GRIK4: variants seen among roughly 807,000 people sequenced by gnomAD.
GRIK4 encodes glutamate ionotropic receptor kainate type subunit 4.
GRIK4 carries 40 observed loss-of-function variants against 104.9 expected under a neutral mutation model. That is an observed-to-expected ratio of 0.38 (90% confidence interval 0.30 to 0.50). The LOEUF is 0.50. GRIK4 is among the 20% of genes least tolerant of loss of function. The pLI, the probability that GRIK4 is intolerant of heterozygous loss-of-function variation, is 0.93. For synonymous variants in GRIK4, 485 were observed against 524.9 expected (o/e 0.92, Z 1.04); for missense variants, 1,047 against 1,308.1 (o/e 0.80, Z 3.08).
intron 13 of GRIK4, among the ~76,000 whole-genome samples, chr11:120,925,679 A>G (rs932059576): frequency 6.6e-6 from 1 of 152,174 alleles, no homozygotes; most frequent in Non-Finnish European, 1.5e-5. Flanking sequence ...TGGGTTAGAA[A>G]TGAGCATATC....
intron 11 of GRIK4, among the ~76,000 whole-genome samples, chr11:120,891,034 A>G (rs1955273826): frequency 6.6e-6 from 1 of 152,262 alleles, no homozygotes. Context: ...AGGCTTTAAA[A>G]ATGAATCTCT....
At chr11:120,924,577 C>T (rs1217210119) in intron 13 of GRIK4, among the ~76,000 whole-genome samples, 1 of 152,102 alleles carries the variant, frequency 6.6e-6, no homozygotes, top group Non-Finnish European at 1.5e-5. Context: ...CCCTTGTCCC[C>T]ACCCACCTCT....
intron 13 of GRIK4, among the ~76,000 whole-genome samples, chr11:120,913,936 A>G (rs1943053015): frequency 6.6e-6 from 1 of 152,178 alleles, no homozygotes; most frequent in South Asian, 2.1e-4. Context: ...AACTACAAAT[A>G]GGTCACAGAA....
rs748849376 is a variant in GRIK4 at position 120,986,246 on chromosome 11, A to G, written c.2857A>G (p.Ser953Gly). Residue 953 changes from serine to glycine, a missense_variant, in exon 21 of 21, where the codon AGC (serine) becomes GGC (glycine). Around this residue, in one of 3 missense-constraint regions of GRIK4, gnomAD observed 160 missense variants for 140.9 expected, o/e 1.14. Coordinates refer to ENST00000527524, the MANE Select transcript of GRIK4 (RefSeq NM_014619.5). ...SLEWEKTTNSSEPE is the reference protein window; with the variant it reads ...SLEWEKTTNSGEPE Reference sequence around the variant, plus strand: ...GGAGTGGGAGAAAACCACCAACAGCAGCGAGCCCGAGTAGTCCCGGAGGCC... The same window carrying G: ...GGAGTGGGAGAAAACCACCAACAGCGGCGAGCCCGAGTAGTCCCGGAGGCC... 1 of 1,549,014 alleles carries G rather than the reference A, an allele frequency of 6.5e-7. No individual in the cohort carries two copies. The highest frequency in any genetic ancestry group is 8.6e-7 in the Non-Finnish European group (1 of 1,156,318).
Position 120,524,519 on chromosome 11 carries a change from C to CCGTT in GRIK4, c.-159+12632_-159+12633insCGTT, listed in dbSNP as rs1434846527. 1.9e-4 allele frequency among the ~76,000 whole-genome samples: 29 copies of CCGTT among 152,312 alleles called. No individual in the cohort carries two copies. The highest frequency in any genetic ancestry group is 6.7e-4 in the African/African-American group (28 of 41,552). ...GGAGCTGAACCAGTACAAAGAGTAA[C>CCGTT]ACCAGGCCTACCTGGACCTTGGCTC... is the stretch of plus-strand genomic sequence containing the variant. On this transcript the variant is annotated intron_variant, in intron 1 of 20. Coordinates refer to ENST00000527524, the MANE Select transcript of GRIK4 (RefSeq NM_014619.5). The surrounding 1 kb of genome is among the most constrained non-coding windows in gnomAD (Gnocchi z 4.5).
rs921455074 is a variant in GRIK4 at position 120,986,421 on chromosome 11, G to T, written c.*161G>T. The T allele has an allele frequency of 2.5e-5, 25 of 993,372 alleles. No individual in the cohort carries two copies. Among genetic ancestry groups the T allele is most frequent in the Non-Finnish European group, 3.5e-5 (25 of 724,214 alleles). The allele number at this position is 993,372 out of a possible 1,614,324, so 61.5% of individuals were successfully genotyped here. On this transcript the variant is annotated 3_prime_UTR_variant, in exon 21 of 21. Transcript: ENST00000527524. ...AAAGATCAAGGAGCCTGACGCCCCA[G>T]CCAGAGACCGCGCCCGGTCAGGGAG...
In GRIK4 at chr11:120,928,960, CGTGTGTGT is replaced by C. The variant is rs61452053; in HGVS notation, c.1477-11365_1477-11358del. On this transcript the variant is annotated intron_variant, in intron 13 of 20. Transcript: ENST00000527524. ...ATGGGCTCGCACTGGTTAGCAAAGA[CGTGTGTGT>C]GTGTGTGTGTGTGTGTGTGTGCGCG... Among the ~76,000 whole-genome samples the C allele has an allele frequency of 4.8e-3, 714 of 150,214 alleles. 5 individuals are homozygous for C. The highest frequency in any genetic ancestry group is 0.04 in the South Asian group (191 of 4,748).
intron 10 of GRIK4, among the ~76,000 whole-genome samples, chr11:120,874,610 C>T (rs1954722896): frequency 6.6e-6 from 1 of 152,208 alleles, no homozygotes; most frequent in Non-Finnish European, 1.5e-5. Flanking sequence ...AGACTTCTAG[C>T]TTGGCTGGGT....
At chr11:120,978,472 G>A (rs1462387795) in intron 19 of GRIK4, among the ~76,000 whole-genome samples, 3 of 152,126 alleles carry the variant, frequency 2.0e-5, no homozygotes, top group African/African-American at 4.8e-5. Context: ...TAAGAGCAAC[G>A]ATGCTGTGTG....
intron 3 of GRIK4, among the ~76,000 whole-genome samples, chr11:120,710,737 G>C (rs1193673404): frequency 6.6e-6 from 1 of 152,212 alleles, no homozygotes; most frequent in East Asian, 1.9e-4. Context: ...ACATCGCCCT[G>C]CTCCTCTCTG....
chr11:120,685,667 C>T (rs185320660), intron 3 of GRIK4, among the ~76,000 whole-genome samples: 2 of 152,252 alleles, frequency 1.3e-5, no homozygotes, highest in Admixed American at 6.5e-5. Flanking sequence ...AGACCACCAA[C>T]CCAATGGCAT....
rs1418679227 is a variant in GRIK4 at position 120,953,787 on chromosome 11, C to T, written c.1700+823C>T. Among the ~76,000 whole-genome samples the T allele has an allele frequency of 6.6e-6, 1 of 152,202 alleles. No homozygotes were observed. The highest frequency in any genetic ancestry group is 1.9e-4 in the East Asian group (1 of 5,184). On this transcript the variant is annotated intron_variant, in intron 15 of 20. Transcript: ENST00000527524. The surrounding 1 kb of genome is among the most constrained non-coding windows in gnomAD (Gnocchi z 4.9). The stretch of plus-strand genomic sequence containing the variant: ...CTGAGCTGCAGGAGAGCCAGCTTAA[C>T]CCTCCAGAAGTGGGATGAGCCCTGG...
intron 8 of GRIK4, chr11:120,859,416 C>T (rs1386382088): frequency 1.3e-5 from 2 of 152,200 alleles, no homozygotes; most frequent in African/African-American, 2.4e-5. Flanking sequence ...ACACCAAAGC[C>T]TGAATCCACT....
chr11:120,562,043 G>A (rs1480723225), intron 1 of GRIK4, among the ~76,000 whole-genome samples: 1 of 152,204 alleles, frequency 6.6e-6, no homozygotes, highest in East Asian at 1.9e-4. Flanking sequence ...TTGTTAGAAT[G>A]TGCCAGATGG....
At chr11:120,701,180 T>C (rs1413954454) in intron 3 of GRIK4, among the ~76,000 whole-genome samples, 1 of 152,232 alleles carries the variant, frequency 6.6e-6, no homozygotes, top group African/African-American at 2.4e-5. Flanking sequence ...AATACGGTTT[T>C]ATTAACTTTA....
chr11:120,824,809 C>T (rs554411327), intron 6 of GRIK4, among the ~76,000 whole-genome samples: 17 of 152,052 alleles, frequency 1.1e-4, no homozygotes, highest in African/African-American at 1.7e-4. Flanking sequence ...CTCGGCCTCC[C>T]GAAGTGCTGG....
chr11:120,714,194 T>C (rs540200248), intron 3 of GRIK4, among the ~76,000 whole-genome samples: 2 of 152,226 alleles, frequency 1.3e-5, no homozygotes, highest in East Asian at 3.8e-4. Flanking sequence ...AGCCTTTCAA[T>C]AGCGGTGACT....
At chr11:120,847,058 C>T (rs1164850386) in intron 8 of GRIK4, among the ~76,000 whole-genome samples, 1 of 152,190 alleles carries the variant, frequency 6.6e-6, no homozygotes, top group African/African-American at 2.4e-5. Flanking sequence ...AATGACAGGG[C>T]AATCTGAAAA....
At chr11:120,658,318 C>T (rs967357332) in intron 2 of GRIK4, among the ~76,000 whole-genome samples, 26 of 152,116 alleles carry the variant, frequency 1.7e-4, no homozygotes, top group African/African-American at 5.6e-4. Flanking sequence ...TTTGGGGAAA[C>T]GAAACCACCA....
Sources: gnomAD v4.1 joint callset for allele counts (sites outside exome capture counted in the v4.1 genomes callset) on GRCh38, gnomAD v4.1.1 for gene constraint, gnomAD v4.1.1 regional missense constraint, Gnocchi (gnomAD v3.1) non-coding constraint, MANE v1.5 for transcripts, NCBI Gene and HGNC (gene_info 2026-07-23, HGNC 2026-07-21) for gene names.